Variants in BICRA observed in about 807,000 individuals in gnomAD.
The protein encoded by BICRA is BRD4 interacting chromatin remodeling complex associated protein.
In BICRA, 31 loss-of-function variants were observed where a neutral mutation model predicts 96.9. The observed-to-expected ratio is 0.32, with a 90% CI of 0.24 to 0.43. BICRA has a LOEUF of 0.43. Among genes scored for constraint, BICRA ranks in the 20% least tolerant of loss-of-function variants. The probability of loss-of-function intolerance (pLI) is 1.00; values close to 1 mark genes in which losing one functional copy is unlikely to be tolerated. For missense variants in BICRA, 2,283 were observed against 2,190.3 expected (o/e 1.04, Z -0.84); for synonymous variants, 1,350 against 1,071.8 (o/e 1.26, Z -5.07).
At chr19:47,690,792 T>TTGTG (rs10603971) in intron 7 of BICRA, among the ~76,000 whole-genome samples, 252 of 150,380 alleles carry the variant, frequency 1.7e-3, no homozygotes, top group African/African-American at 3.8e-3. Context: ...AATTTGTGGA[T>TTGTG]TGTGTGTGTG....
At chr19:47,667,158 A>G (rs1196979738) in intron 1 of BICRA, among the ~76,000 whole-genome samples, 1 of 151,906 alleles carries the variant, frequency 6.6e-6, no homozygotes, top group Non-Finnish European at 1.5e-5. Flanking sequence ...CGCTAGGACT[A>G]CAGGCGCCCA....
chr19:47,610,477 T>G (rs1251356753), intron 1 of BICRA, among the ~76,000 whole-genome samples: 1 of 151,780 alleles, frequency 6.6e-6, no homozygotes, highest in Non-Finnish European at 1.5e-5. Flanking sequence ...TCCCGGGAGG[T>G]GGGGTCAGAG....
chr19:47,702,834 C>G lies in BICRA; in HGVS notation c.*419C>G, dbSNP rs57631798. 7.0e-3 allele frequency: 1,403 copies of G among 200,682 alleles called. 28 individuals are homozygous for G. The highest frequency in any genetic ancestry group is 0.031 in the African/African-American group (1,296 of 42,142). The allele number at this position is 200,682 out of a possible 1,614,324, so 12.4% of individuals were successfully genotyped here. On this transcript the variant is annotated 3_prime_UTR_variant, in exon 15 of 15. Transcript: ENST00000594866. ...GAGGGTGCTGGGAGCTGGCAGGGTC[C>G]TTCCAGACAGTCTCAGCCTCTCCCC...
At chr19:47,672,028 G>A (rs1471768573) in intron 2 of BICRA, among the ~76,000 whole-genome samples, 2 of 146,540 alleles carry the variant, frequency 1.4e-5, no homozygotes, top group African/African-American at 5.1e-5. Flanking sequence ...TGTATGGAAG[G>A]ATGGAGGGAT....
chr19:47,621,718 G>A (rs1270547986), intron 1 of BICRA, among the ~76,000 whole-genome samples: 7 of 151,924 alleles, frequency 4.6e-5, no homozygotes, highest in South Asian at 2.1e-4. Context: ...GATCACTGGC[G>A]TCCGCCTCCC....
intron 1 of BICRA, among the ~76,000 whole-genome samples, chr19:47,666,610 C>T (rs185431652): frequency 2.9e-4 from 43 of 150,370 alleles, no homozygotes; most frequent in African/African-American, 9.0e-4. Context: ...CTCACTCTGT[C>T]GCCCAGGCTG....
intron 1 of BICRA, among the ~76,000 whole-genome samples, chr19:47,628,594 T>C (rs981641205): frequency 2.6e-5 from 4 of 152,198 alleles, no homozygotes; most frequent in Admixed American, 2.0e-4. Context: ...TCTTTCCTTT[T>C]CCAAAGGTGA....
At chr19:47,696,843 T>C (rs540819849) in intron 11 of BICRA, among the ~76,000 whole-genome samples, 1 of 147,076 alleles carries the variant, frequency 6.8e-6, no homozygotes, top group Non-Finnish European at 1.5e-5. Context: ...GTGGGTGAAG[T>C]GATGGGTGGG....
At chr19:47,695,342 T>TCGGGGCCCCCCCCCCCCCCCCCCCCC in intron 9 of BICRA, 23 bp from the exon 10 acceptor site, 2 of 630,136 alleles carry the variant, frequency 3.2e-6, no homozygotes, top group East Asian at 2.8e-5. Context: ...AGGCCCTGTC[T>TCGGGGCCCCCCCCCCCCCCCCCCCCC]CCCCCACCCC....
Position 47,695,367 on chromosome 19 carries a change from C to A in BICRA, c.3079C>A (p.Leu1027Ile). Reference sequence around the variant, plus strand: ...TCCCCCACCCCACCCACCCCCAGGCCTCCCTCCTCTGCTTCCAGCCGAGAA... The same window carrying A: ...TCCCCCACCCCACCCACCCCCAGGCATCCCTCCTCTGCTTCCAGCCGAGAA... Reference protein sequence around the residue: ...PAPAPMAATGLPPLLPAENKA... With the variant: ...PAPAPMAATGIPPLLPAENKA... Residue 1027 changes from leucine (L) to isoleucine (I), a missense_variant and splice_region_variant, in exon 10 of 15, where the codon CTC becomes ATC. Physicochemically the swap from Leu to Ile is conservative, Grantham distance 5. Transcript: ENST00000594866. 2 of 1,337,376 alleles carry A rather than the reference C, an allele frequency of 1.5e-6. No homozygotes were observed. Among genetic ancestry groups the A allele is most frequent in the Non-Finnish European group, 2.1e-6 (2 of 965,626 alleles). The allele number at this position is 1,337,376 out of a possible 1,614,324, so 82.8% of individuals were successfully genotyped here. A position where few individuals can be genotyped will look rare whatever the true frequency, so the allele number is the denominator to read the frequency against.
chr19:47,682,764 G>A (rs971184258), intron 7 of BICRA, among the ~76,000 whole-genome samples: 6 of 150,950 alleles, frequency 4.0e-5, no homozygotes, highest in African/African-American at 1.2e-4. Context: ...CTCCGCCTCC[G>A]ATGTTTAAGT....
At chr19:47,693,920 G>A (rs3786785) in intron 7 of BICRA, among the ~76,000 whole-genome samples, 195 bp from the exon 8 acceptor site, 40,403 of 151,908 alleles carry the variant, frequency 0.27, 5,425 homozygotes, top group South Asian at 0.32. Context: ...GTCGAGGGCA[G>A]GTGGAGGGGG....
chr19:47,702,202 C>A lies in BICRA; in HGVS notation c.4470C>A (p.Asp1490Glu). The A allele has an allele frequency of 6.3e-7, 1 of 1,594,864 alleles. No individual in the cohort carries two copies. Among genetic ancestry groups the A allele is most frequent in the African/African-American group, 1.3e-5 (1 of 74,202 alleles). ...PDVDQASFSSDSPQDDTLTEH... is the reference protein window; with the variant it reads ...PDVDQASFSSESPQDDTLTEH... ...TGGACCAGGCCAGCTTCTCCAGCGACAGCCCGCAGGATGACACGCTCACCG... is the reference window on the plus strand; with the variant it reads ...TGGACCAGGCCAGCTTCTCCAGCGAAAGCCCGCAGGATGACACGCTCACCG... Residue 1490 changes from aspartate (D) to glutamate (E), a missense_variant, in exon 15 of 15, where the codon GAC becomes GAA. Physicochemically the swap from Asp to Glu is conservative, Grantham distance 45 (BLOSUM62 2). Transcript: ENST00000594866.
intron 1 of BICRA, among the ~76,000 whole-genome samples, chr19:47,636,900 A>G (rs1440512561): frequency 4.6e-5 from 7 of 152,034 alleles, no homozygotes; most frequent in African/African-American, 1.7e-4. Context: ...CACTTCAGCC[A>G]CACCAACCTC....
chr19:47,657,465 C>T (rs1238133429), intron 1 of BICRA, among the ~76,000 whole-genome samples: 9 of 149,844 alleles, frequency 6.0e-5, no homozygotes, highest in Middle Eastern at 3.5e-3. Flanking sequence ...GGCATGATTT[C>T]GGCTCACTGC....
Position 47,673,842 on chromosome 19 carries a change from C to T in BICRA, c.84+80C>T, listed in dbSNP as rs543412652. On this transcript the variant is annotated intron_variant, in intron 4 of 14. Transcript: ENST00000594866. ...AGTGAGGGACAGGGAGAGACATGTC[C>T]CTTTGATGAGGTAGCCATCTGCCTT... 32 of 1,231,782 alleles carry T rather than the reference C, an allele frequency of 2.6e-5. 1 individual carries two copies. The South Asian group carries it at 3.6e-4, about 14-fold the overall frequency. The allele number at this position is 1,231,782 out of a possible 1,614,324, so 76.3% of individuals were successfully genotyped here.
chr19:47,617,126 C>G (rs1435513073), intron 1 of BICRA, among the ~76,000 whole-genome samples: 1 of 151,810 alleles, frequency 6.6e-6, no homozygotes, highest in Non-Finnish European at 1.5e-5. Context: ...CCATACCAGG[C>G]CTATTATTTT....
intron 1 of BICRA, among the ~76,000 whole-genome samples, chr19:47,618,671 G>T (rs1363284132): frequency 2.6e-5 from 4 of 152,162 alleles, no homozygotes; most frequent in African/African-American, 7.2e-5. Flanking sequence ...GCCAACTTCA[G>T]CGTGGCCCCT....
intron 1 of BICRA, among the ~76,000 whole-genome samples, chr19:47,613,086 C>T (rs1440560487): frequency 2.6e-5 from 4 of 152,098 alleles, no homozygotes; most frequent in Non-Finnish European, 5.9e-5. Flanking sequence ...GAGGGTCTCC[C>T]GGCTGACTTC....
Sources: allele counts gnomAD v4.1 joint callset (sites outside exome capture counted in the v4.1 genomes callset), GRCh38; gene constraint gnomAD v4.1.1; transcripts MANE v1.5; gene names NCBI Gene and HGNC (gene_info 2026-07-23, HGNC 2026-07-21).